Variants in TMEM9 observed in about 807,000 individuals in gnomAD.
The protein encoded by TMEM9 is proton-transporting V-type ATPase complex assembly regulator TMEM9.
In TMEM9, 13 loss-of-function variants were observed where a neutral mutation model predicts 22.8. The ratio of observed to expected loss-of-function variants is 0.57; its 90% CI spans 0.37 to 0.91. The LOEUF is 0.91. TMEM9 is among the 40% of genes least tolerant of loss of function. TMEM9 has a pLI of 0.01. For missense variants in TMEM9, 182 were observed against 238.1 expected (o/e 0.76, Z 1.55); for synonymous variants, 88 against 93.0 (o/e 0.95, Z 0.31).
intron 4 of TMEM9, among the ~76,000 whole-genome samples, chr1:201,140,389 C>T (rs113584834): frequency 6.1e-4 from 93 of 152,358 alleles, no homozygotes; most frequent in South Asian, 2.7e-3. Context: ...CTTGCTTCCT[C>T]CTTTCAAAGG....
In TMEM9 at chr1:201,135,326, C is replaced by T. The variant is rs1663885259; in HGVS notation, c.*337G>A. ...TCCAAGGGTAACAACATTCCCAAGACTCAGAGCTGGAAGGCGGCAAGAGTG... is the reference window on the plus strand; with the variant it reads ...TCCAAGGGTAACAACATTCCCAAGATTCAGAGCTGGAAGGCGGCAAGAGTG... On this transcript the variant is annotated 3_prime_UTR_variant, in exon 5 of 5. Coordinates refer to ENST00000367330, the MANE Select transcript of TMEM9 (RefSeq NM_001288565.2). The T allele has an allele frequency of 5.1e-6, 1 of 197,182 alleles. No homozygotes were observed. Among genetic ancestry groups the T allele is most frequent in the Non-Finnish European group, 1.0e-5 (1 of 98,006 alleles). 12.2% of individuals were successfully genotyped at this position (197,182 alleles called of 1,614,324 possible).
chr1:201,143,720 T>C (rs1026872686), intron 4 of TMEM9, 100 bp downstream of exon 4: 27 of 1,239,262 alleles, frequency 2.2e-5, no homozygotes, highest in African/African-American at 1.0e-4. Flanking sequence ...TTGAAGCATT[T>C]TGGGGAGGTG....
rs76345853 is a variant in TMEM9, at chr1:201,143,053, C to T, written c.399+767G>A. On this transcript the variant is annotated intron_variant, in intron 4 of 4. Transcript: ENST00000367330. ...TTTAGTATGAGGATGAATGGGAAGA[C>T]GGTGACAGCGCTTGTTAACTGCACT... 3.3e-3 allele frequency among the ~76,000 whole-genome samples: 509 copies of T among 152,308 alleles called. 1 individual carries two copies. Among genetic ancestry groups the T allele is most frequent in the Non-Finnish European group, 5.4e-3 (365 of 67,994 alleles).
chr1:201,140,048 G>A (rs1664384803), intron 4 of TMEM9, among the ~76,000 whole-genome samples: 1 of 152,226 alleles, frequency 6.6e-6, no homozygotes, highest in South Asian at 2.1e-4. Flanking sequence ...CAGGGCTGGG[G>A]TCCTCAGAAC....
chr1:201,151,654 C>A, intron 2 of TMEM9, 107 bp downstream of exon 2: 1 of 792,716 alleles, frequency 1.3e-6, no homozygotes, highest in South Asian at 1.6e-5. Context: ...GAAAGGCTCT[C>A]CATAGGAATG....
chr1:201,162,535 GA>G lies in TMEM9; in HGVS notation c.-36-8577del, dbSNP rs34818227. Among the ~76,000 whole-genome samples, 568 of 114,878 alleles carry G rather than the reference GA, an allele frequency of 4.9e-3. 2 individuals are homozygous for G. Among genetic ancestry groups the G allele is most frequent in the East Asian group, 0.016 (63 of 3,866 alleles). The allele number at this position is 114,878 out of a possible 152,430, so 75.4% of individuals were successfully genotyped here. A position where few individuals can be genotyped will look rare whatever the true frequency, so the allele number is the denominator to read the frequency against. On this transcript the variant is annotated intron_variant, in intron 1 of 5. Transcript: ENST00000367333. ...GCCGGAACAACTGGACATACATAGGGAAAAAAAAAAAAAAACCCTGACTGAA... is the reference window on the plus strand; with the variant it reads ...GCCGGAACAACTGGACATACATAGGGAAAAAAAAAAAAAACCCTGACTGAA...
At chr1:201,142,228 T>C (rs1664585572) in intron 4 of TMEM9, among the ~76,000 whole-genome samples, 1 of 152,228 alleles carries the variant, frequency 6.6e-6, no homozygotes, top group Non-Finnish European at 1.5e-5. Flanking sequence ...AGTCCAGGCA[T>C]GTGCGCAGGG....
At chr1:201,139,053 A>G (rs1664266270) in intron 4 of TMEM9, among the ~76,000 whole-genome samples, 1 of 152,358 alleles carries the variant, frequency 6.6e-6, no homozygotes, top group African/African-American at 2.4e-5. Flanking sequence ...TGTGTGGATA[A>G]GCCCCAGCTG....
At chr1:201,159,590 T>C (rs907883785) in intron 1 of TMEM9, among the ~76,000 whole-genome samples, 9 of 151,840 alleles carry the variant, frequency 5.9e-5, no homozygotes, top group African/African-American at 2.2e-4. Context: ...TTTTTTTTTT[T>C]TTTAAAGAGA....
chr1:201,144,918 C>G (rs1472294094), intron 3 of TMEM9: 4 of 152,288 alleles, frequency 2.6e-5, no homozygotes, highest in African/African-American at 9.7e-5. Flanking sequence ...TCCACAATGC[C>G]TGGCCATTGC....
At chr1:201,138,016 T>C (rs898174505) in intron 4 of TMEM9, among the ~76,000 whole-genome samples, 2 of 152,224 alleles carry the variant, frequency 1.3e-5, no homozygotes, top group African/African-American at 4.8e-5. Context: ...TGGGAAGCTA[T>C]TGGCCCACCG....
At chr1:201,141,984 C>A (rs1004380292) in intron 4 of TMEM9, among the ~76,000 whole-genome samples, 3 of 152,236 alleles carry the variant, frequency 2.0e-5, no homozygotes, top group Non-Finnish European at 4.4e-5. Flanking sequence ...ACTGCAATTA[C>A]CACATTACCC....
intron 3 of TMEM9, chr1:201,145,650 C>T (rs1186839895): frequency 6.6e-6 from 1 of 152,192 alleles, no homozygotes; most frequent in African/African-American, 2.4e-5. Flanking sequence ...CAGAAAAATG[C>T]TACAAACTGG....
chr1:201,153,581 A>G (rs1374818626), intron 1 of TMEM9, among the ~76,000 whole-genome samples: 1 of 152,228 alleles, frequency 6.6e-6, no homozygotes, highest in African/African-American at 2.4e-5. Flanking sequence ...GAGAACTTAG[A>G]TAACTTCTCC....
chr1:201,144,190 G>A (rs10920130), intron 3 of TMEM9: 140,611 of 443,452 alleles, frequency 0.32, 22,806 homozygotes, highest in East Asian at 0.39. Flanking sequence ...CAGGCATCAC[G>A]ACAGCAGGCA....
At chr1:201,164,526 T>G (rs1386390169) in intron 1 of TMEM9, among the ~76,000 whole-genome samples, 3 of 152,226 alleles carry the variant, frequency 2.0e-5, no homozygotes, top group African/African-American at 7.2e-5. Context: ...AGTATTTGAC[T>G]GCTTTTGACT....
chr1:201,139,359 T>C (rs1664302910), intron 4 of TMEM9, among the ~76,000 whole-genome samples: 1 of 152,204 alleles, frequency 6.6e-6, no homozygotes, highest in East Asian at 1.9e-4. Flanking sequence ...CTCTGAGTTT[T>C]CCATGTTTGA....
At chr1:201,142,968 G>C (rs550287511) in intron 4 of TMEM9, among the ~76,000 whole-genome samples, 1 of 152,342 alleles carries the variant, frequency 6.6e-6, no homozygotes, top group Admixed American at 6.5e-5. Flanking sequence ...CTCCCACGAA[G>C]AGCCCTTCAC....
intron 1 of TMEM9, among the ~76,000 whole-genome samples, chr1:201,170,477 C>T (rs951650669): frequency 6.6e-6 from 1 of 152,134 alleles, no homozygotes; most frequent in Non-Finnish European, 1.5e-5. Flanking sequence ...ATGCACTCAT[C>T]TGGATGCTCA....
Sources: gnomAD v4.1 joint callset for allele counts (sites outside exome capture counted in the v4.1 genomes callset) on GRCh38, gnomAD v4.1.1 for gene constraint, MANE v1.5 for transcripts, NCBI Gene and HGNC (gene_info 2026-07-23, HGNC 2026-07-21) for gene names.